LRRC4B: variants seen among roughly 807,000 people sequenced by gnomAD.
LRRC4B encodes leucine-rich repeat-containing protein 4B.
LRRC4B carries 1 observed loss-of-function variant against 7.3 expected under a neutral mutation model. That is an observed-to-expected ratio of 0.14 (90% confidence interval 0.05 to 0.65). The LOEUF (loss-of-function observed/expected upper bound fraction) is 0.65, where lower values mean the gene tolerates loss of function less well. Ranked by LOEUF, LRRC4B falls within the 30% of genes least tolerant of loss-of-function variation. The pLI is 0.84. For missense variants in LRRC4B, 730 were observed against 1,041.6 expected (o/e 0.70, Z 4.12); for synonymous variants, 500 against 499.2 (o/e 1.00, Z -0.02).
chr19:50,547,894 G>GC (rs1375609312), intron 2 of LRRC4B, among the ~76,000 whole-genome samples: 17 of 151,920 alleles, frequency 1.1e-4, no homozygotes, highest in Admixed American at 1.0e-3. Context: ...CCACCATGGC[G>GC]CCAAGCACCA....
intron 2 of LRRC4B, among the ~76,000 whole-genome samples, chr19:50,530,157 C>A (rs1056643806): frequency 6.6e-6 from 1 of 152,150 alleles, no homozygotes; most frequent in Non-Finnish European, 1.5e-5. Context: ...CTGGGCCCGC[C>A]GCAGCCTCCT....
At chr19:50,551,992 A>G (rs1170137536) in intron 1 of LRRC4B, among the ~76,000 whole-genome samples, 3 of 151,612 alleles carry the variant, frequency 2.0e-5, no homozygotes, top group African/African-American at 7.3e-5. Context: ...AGGCTCCGTT[A>G]TCTAATTAAC....
At chr19:50,547,030 G>C (rs964127854) in intron 2 of LRRC4B, among the ~76,000 whole-genome samples, 1 of 152,234 alleles carries the variant, frequency 6.6e-6, no homozygotes, top group Non-Finnish European at 1.5e-5. Context: ...TGAACGTCAC[G>C]TGTATAAGTG....
chr19:50,557,631 G>C (rs919783098), intron 1 of LRRC4B: 6 of 139,672 alleles, frequency 4.3e-5, no homozygotes, highest in Admixed American at 2.2e-4. Context: ...GTACCCTGTG[G>C]CCACTCAGTT....
rs1185162147 is a variant in LRRC4B at position 50,517,494 on chromosome 19, G to A, written c.*77C>T. ...AGGTGGGCTGGGCTGTGGGAGGGAG[G>A]GGTCCCGGTCAGGCTGCGCCCGGGC... On this transcript the variant is annotated 3_prime_UTR_variant, in exon 3 of 3. Transcript: ENST00000652263. The surrounding 1 kb of genome is among the most constrained non-coding windows in gnomAD (Gnocchi z 6.6). The A allele has an allele frequency of 2.1e-5, 26 of 1,263,068 alleles. No individual in the cohort carries two copies. Among genetic ancestry groups the A allele is most frequent in the Non-Finnish European group, 2.3e-5 (23 of 979,086 alleles). 78.2% of individuals were successfully genotyped at this position (1,263,068 alleles called of 1,614,324 possible).
At chr19:50,559,173 G>A (rs1188751323) in intron 1 of LRRC4B, among the ~76,000 whole-genome samples, 7 of 152,192 alleles carry the variant, frequency 4.6e-5, no homozygotes, top group Admixed American at 2.0e-4. Context: ...GGTGGCTCAC[G>A]CCTGTAATCC....
chr19:50,528,666 C>T (rs1227390556), intron 2 of LRRC4B, among the ~76,000 whole-genome samples: 1 of 152,144 alleles, frequency 6.6e-6, no homozygotes, highest in African/African-American at 2.4e-5. Context: ...TAATAGGCTT[C>T]TGCCTTGTCT....
At chr19:50,552,438 G>C (rs1345156203) in intron 1 of LRRC4B, among the ~76,000 whole-genome samples, 1 of 152,008 alleles carries the variant, frequency 6.6e-6, no homozygotes, top group Admixed American at 6.6e-5. Context: ...CCCACCCCTA[G>C]AGGAACCCCT....
chr19:50,564,344 G>A (rs529629667), intron 1 of LRRC4B, among the ~76,000 whole-genome samples: 29 of 152,274 alleles, frequency 1.9e-4, no homozygotes, highest in Middle Eastern at 3.4e-3. Context: ...AGGTAAGTGA[G>A]TCCTCAGGGA....
chr19:50,520,624 C>T (rs1018783412), intron 2 of LRRC4B, among the ~76,000 whole-genome samples: 5 of 135,194 alleles, frequency 3.7e-5, no homozygotes, highest in East Asian at 2.4e-4. Context: ...AGTGAGACTC[C>T]GTCTCGAAAA....
intron 2 of LRRC4B, among the ~76,000 whole-genome samples, chr19:50,534,251 T>C (rs1271372708): frequency 1.3e-5 from 2 of 152,192 alleles, no homozygotes; most frequent in Non-Finnish European, 2.9e-5. Context: ...GCTGCCCTGG[T>C]TGCAGGGGGA....
Position 50,547,239 on chromosome 19 carries a change from C to T in LRRC4B, c.297+1303G>A, listed in dbSNP as rs531173726. ...ACAGAGGGACAAGGCCCTGCGGGAG[C>T]GGGGGGTGGTGATGTGACGACGCCC... On this transcript the variant is annotated intron_variant, in intron 2 of 2. Coordinates refer to ENST00000652263, the MANE Select transcript of LRRC4B (RefSeq NM_001080457.2). Among the ~76,000 whole-genome samples the T allele has an allele frequency of 5.3e-5, 8 of 152,210 alleles. No individual in the cohort carries two copies. The South Asian group carries it at 1.0e-3, about 20-fold the overall frequency.
At chr19:50,550,766 G>C (rs1342204530) in intron 1 of LRRC4B, 1 of 152,404 alleles carries the variant, frequency 6.6e-6, no homozygotes, top group Non-Finnish European at 1.5e-5. Context: ...TCTCCTGCAG[G>C]GCTGGGGCCG....
At chr19:50,527,350 T>C (rs1980855978) in intron 2 of LRRC4B, among the ~76,000 whole-genome samples, 1 of 17,698 alleles carries the variant, frequency 5.7e-5, no homozygotes, top group Admixed American at 7.2e-4. Context: ...TCTTTTTTCT[T>C]TTTTTTTTTT....
intron 2 of LRRC4B, among the ~76,000 whole-genome samples, chr19:50,544,160 T>C (rs1347134777): frequency 1.3e-5 from 2 of 150,772 alleles, no homozygotes; most frequent in Non-Finnish European, 2.9e-5. Context: ...TGAGCTGAGA[T>C]TGCACCATTG....
chr19:50,530,707 C>A (rs1183719361), intron 2 of LRRC4B, among the ~76,000 whole-genome samples: 1 of 151,830 alleles, frequency 6.6e-6, no homozygotes, highest in Non-Finnish European at 1.5e-5. Flanking sequence ...GGCGATGATG[C>A]CTTGCAGGGC....
chr19:50,530,309 G>T (rs1229062014), intron 2 of LRRC4B, among the ~76,000 whole-genome samples: 1 of 152,166 alleles, frequency 6.6e-6, no homozygotes, highest in Non-Finnish European at 1.5e-5. Context: ...AGCCCTGCCT[G>T]GGCATCTGCC....
chr19:50,522,345 T>C (rs1980616233), intron 2 of LRRC4B, among the ~76,000 whole-genome samples: 1 of 152,156 alleles, frequency 6.6e-6, no homozygotes, highest in African/African-American at 2.4e-5. Context: ...CCTTATTCGA[T>C]ACCTGCAATT....
chr19:50,564,932 A>C (rs1165768914), intron 1 of LRRC4B, among the ~76,000 whole-genome samples: 1 of 150,956 alleles, frequency 6.6e-6, no homozygotes, highest in African/African-American at 2.5e-5. Context: ...GCCTCTCTGC[A>C]TGGGCCCTGA....
Sources: gnomAD v4.1 joint callset for allele counts (sites outside exome capture counted in the v4.1 genomes callset) on GRCh38, gnomAD v4.1.1 for gene constraint, Gnocchi (gnomAD v3.1) non-coding constraint, MANE v1.5 for transcripts, NCBI Gene and HGNC (gene_info 2026-07-23, HGNC 2026-07-21) for gene names.